UGGT2: variants seen among roughly 807,000 people sequenced by gnomAD.
The protein encoded by UGGT2 is UDP-glucose:glycoprotein glucosyltransferase 2.
In UGGT2, 180 loss-of-function variants were observed where a neutral mutation model predicts 192.1. The observed-to-expected ratio is 0.94, with a 90% CI of 0.83 to 1.06. The LOEUF (loss-of-function observed/expected upper bound fraction) is 1.06. UGGT2 is among the 50% of genes least tolerant of loss of function. The probability of loss-of-function intolerance (pLI) is 0.00; values close to 1 mark genes in which losing one functional copy is unlikely to be tolerated. For synonymous variants in UGGT2, 580 were observed against 591.0 expected, an observed-to-expected ratio of 0.98 and a Z score of 0.27; for missense variants, 1,849 against 1,795.7, an observed-to-expected ratio of 1.03 and a Z score of -0.54.
chr13:96,017,704 T>C (rs2052381896), intron 4 of UGGT2, among the ~76,000 whole-genome samples: 1 of 152,232 alleles, frequency 6.6e-6, no homozygotes, highest in South Asian at 2.1e-4. Context: ...TATATGCATA[T>C]ATGCATTAAA....
chr13:96,026,082 A>C (rs1246592431), intron 2 of UGGT2, among the ~76,000 whole-genome samples: 2 of 152,086 alleles, frequency 1.3e-5, no homozygotes, highest in Non-Finnish European at 2.9e-5. Context: ...ATCCAAGAAA[A>C]CTTTCCAGAA....
At chr13:95,969,944 A>C (rs2050717036) in intron 12 of UGGT2, among the ~76,000 whole-genome samples, 168 bp downstream of exon 12, 2 of 152,322 alleles carry the variant, frequency 1.3e-5, no homozygotes, top group East Asian at 3.9e-4. Context: ...AAGAAGGAGA[A>C]GGAAGCTGCA....
intron 1 of UGGT2, among the ~76,000 whole-genome samples, chr13:96,041,850 C>A (rs555284520): frequency 6.6e-6 from 1 of 152,198 alleles, no homozygotes; most frequent in South Asian, 2.1e-4. Flanking sequence ...CCCCATCCCC[C>A]ACAGCAGTTG....
chr13:95,816,913 G>T (rs930523594), intron 38 of UGGT2, among the ~76,000 whole-genome samples: 1 of 152,168 alleles, frequency 6.6e-6, no homozygotes, highest in African/African-American at 2.4e-5. Context: ...GATCACTTGA[G>T]GTCAGGAGTT....
intron 20 of UGGT2, 61 bp downstream of exon 20, chr13:95,925,619 A>G (rs2048992587): frequency 8.8e-7 from 1 of 1,135,398 alleles, no homozygotes; most frequent in East Asian, 2.7e-5. Flanking sequence ...TATGTTCTTC[A>G]TATTGCTTTC....
At chr13:95,855,845 T>C (rs1566595442) in intron 34 of UGGT2, among the ~76,000 whole-genome samples, 1 of 152,186 alleles carries the variant, frequency 6.6e-6, no homozygotes, top group Non-Finnish European at 1.5e-5. Context: ...GCACATAATT[T>C]ACAGGAATTC....
rs779431109 is a variant in UGGT2, at chr13:95,936,961, A to G, written c.1940T>C (p.Met647Thr). 3 of 1,594,382 alleles carry G rather than the reference A, an allele frequency of 1.9e-6. No homozygotes were observed. The highest frequency in any genetic ancestry group is 1.7e-4 in the Middle Eastern group (1 of 6,006). ...ELKMAVLQRM[M>T]DASVYLQREV... ...TCTTTGTAAATATACAGATGCATCC[A>G]TCATTCTTTGAAGAACAGCCATTTT... The change falls in exon 17 of 39, where the codon ATG becomes ACG. Residue 647 changes from methionine to threonine, a missense_variant. By Grantham distance (81) the Met-to-Thr change is moderately conservative. Coordinates refer to ENST00000376747, the MANE Select transcript of UGGT2 (RefSeq NM_020121.4).
chr13:95,816,286 A>G (rs1884877768), intron 38 of UGGT2, among the ~76,000 whole-genome samples: 3 of 152,206 alleles, frequency 2.0e-5, no homozygotes, highest in Admixed American at 6.5e-5. Flanking sequence ...ATCAAATGTT[A>G]GTGAGGAAGT....
intron 27 of UGGT2, among the ~76,000 whole-genome samples, chr13:95,881,269 T>C (rs944191758): frequency 6.6e-6 from 1 of 152,226 alleles, no homozygotes; most frequent in African/African-American, 2.4e-5. Flanking sequence ...GGGGGTATCT[T>C]AGAACAAATC....
chr13:95,802,252 G>A (rs1317256406), intron 38 of UGGT2, among the ~76,000 whole-genome samples: 1 of 152,152 alleles, frequency 6.6e-6, no homozygotes, highest in Non-Finnish European at 1.5e-5. Context: ...ACAGCACTCT[G>A]ACATAGACAT....
chr13:95,893,622 C>T (rs1044776893), intron 24 of UGGT2, among the ~76,000 whole-genome samples: 2 of 151,926 alleles, frequency 1.3e-5, no homozygotes, highest in Non-Finnish European at 2.9e-5. Flanking sequence ...TAAATTTAAC[C>T]GTATTTATAT....
chr13:95,983,788 A>G lies in UGGT2; in HGVS notation c.1092+16T>C, dbSNP rs754053221. On this transcript the variant is annotated intron_variant, in intron 10 of 38. Coordinates refer to ENST00000376747, the MANE Select transcript of UGGT2 (RefSeq NM_020121.4). ...ATTAGTTGGGTAAATGTTTTAAAAAAGGAATTCAAACAAACCTTTTGATTT... is the reference window on the plus strand; with the variant it reads ...ATTAGTTGGGTAAATGTTTTAAAAAGGGAATTCAAACAAACCTTTTGATTT... 23 of 1,512,852 alleles carry G rather than the reference A, an allele frequency of 1.5e-5. No individual in the cohort carries two copies. Among genetic ancestry groups the G allele is most frequent in the Non-Finnish European group, 2.1e-5 (23 of 1,115,306 alleles). The allele number at this position is 1,512,852 out of a possible 1,614,324, so 93.7% of individuals were successfully genotyped here.
chr13:95,820,124 G>C (rs533067260), intron 38 of UGGT2, among the ~76,000 whole-genome samples: 92 of 151,676 alleles, frequency 6.1e-4, no homozygotes, highest in Admixed American at 3.6e-3. Context: ...CTGTATTCCA[G>C]CCTGTGTGAC....
chr13:95,979,092 T>G (rs2051032824), intron 10 of UGGT2, among the ~76,000 whole-genome samples: 1 of 152,208 alleles, frequency 6.6e-6, no homozygotes. Context: ...CCTGATCATA[T>G]CCTCATTTTA....
Position 95,872,737 on chromosome 13 carries a change from T to C in UGGT2, c.3473+4542A>G, listed in dbSNP as rs1398450462. 2.0e-5 allele frequency among the ~76,000 whole-genome samples: 3 copies of C among 152,308 alleles called. No individual in the cohort carries two copies. In the South Asian group the frequency reaches 6.2e-4, roughly 32 times the overall value. On this transcript the variant is annotated intron_variant, in intron 29 of 38. Coordinates refer to ENST00000376747, the MANE Select transcript of UGGT2 (RefSeq NM_020121.4). ...ACAATTTTCACTAATATGTTAGTGG[T>C]ACTTCAAATATAACATCAAGAACAT... is the stretch of plus-strand genomic sequence containing the variant.
Position 95,947,185 on chromosome 13 carries a change from G to A in UGGT2, c.1542-13C>T. On this transcript the variant is annotated splice_polypyrimidine_tract_variant and intron_variant, in intron 14 of 38. Transcript: ENST00000376747. ...CACAAAACCAATTCTGGAAAAAGAAGATGAACAAGGACTGTTATAATTACC... is the reference window on the plus strand; with the variant it reads ...CACAAAACCAATTCTGGAAAAAGAAAATGAACAAGGACTGTTATAATTACC... 1 of 1,581,796 alleles carries A rather than the reference G, an allele frequency of 6.3e-7. No homozygotes were observed. The highest frequency in any genetic ancestry group is 8.6e-7 in the Non-Finnish European group (1 of 1,167,016).
intron 7 of UGGT2, among the ~76,000 whole-genome samples, chr13:95,995,173 T>C (rs1872161): frequency 0.37 from 56,384 of 151,786 alleles, 10,915 homozygotes; most frequent in Middle Eastern, 0.45. Context: ...CTGTTATAAT[T>C]AGTAAAAAAA....
intron 1 of UGGT2, 99 bp from the exon 2 acceptor site, chr13:96,032,070 AC>A (rs1184530561): frequency 1.5e-5 from 11 of 727,404 alleles, no homozygotes; most frequent in East Asian, 2.8e-5. Flanking sequence ...TATGGCAAAA[AC>A]AAAAACCCCT....
chr13:95,875,714 C>T (rs1891616388), intron 29 of UGGT2, among the ~76,000 whole-genome samples: 1 of 152,094 alleles, frequency 6.6e-6, no homozygotes, highest in Non-Finnish European at 1.5e-5. Context: ...TGACTTCCTC[C>T]TACCCACCTC....
Sources: allele counts gnomAD v4.1 joint callset (sites outside exome capture counted in the v4.1 genomes callset), GRCh38; gene constraint gnomAD v4.1.1; transcripts MANE v1.5; gene names NCBI Gene and HGNC (gene_info 2026-07-23, HGNC 2026-07-21).